The following ACVR1C variants were observed in gnomAD, a reference collection of about 807,000 sequenced individuals.
ACVR1C encodes the protein activin receptor type-1C.
Under a neutral mutation model 57.9 loss-of-function variants are expected in ACVR1C, and 23 were observed. The observed-to-expected ratio is 0.40, with a 90% CI of 0.29 to 0.56. ACVR1C has a LOEUF of 0.56. Ranked by LOEUF, ACVR1C falls within the 20% of genes least tolerant of loss-of-function variation. The probability of loss-of-function intolerance (pLI) is 0.50; values close to 1 mark genes in which losing one functional copy is unlikely to be tolerated. For missense variants in ACVR1C, 480 were observed against 607.9 expected, an observed-to-expected ratio of 0.79 and a Z score of 2.21; for synonymous variants, 214 against 215.3, an observed-to-expected ratio of 0.99 and a Z score of 0.05.
chr2:157,596,492 A>C (rs556460535), intron 1 of ACVR1C, among the ~76,000 whole-genome samples: 1 of 152,328 alleles, frequency 6.6e-6, no homozygotes, highest in South Asian at 2.1e-4. Flanking sequence ...TTTACACTAG[A>C]TATGCATAGT....
At chr2:157,615,357 G>T (rs1054830641) in intron 1 of ACVR1C, among the ~76,000 whole-genome samples, 3 of 151,178 alleles carry the variant, frequency 2.0e-5, no homozygotes, top group Non-Finnish European at 4.4e-5. Flanking sequence ...CAGGTGTGGT[G>T]CATGCTTTGA....
intron 8 of ACVR1C, among the ~76,000 whole-genome samples, chr2:157,538,181 A>G (rs777347155): frequency 2.0e-5 from 3 of 152,182 alleles, no homozygotes; most frequent in Non-Finnish European, 4.4e-5. Context: ...ATGCCAAAGC[A>G]TTAAAGGGTC....
At chr2:157,541,435 CA>C (rs1251864190) in intron 6 of ACVR1C, among the ~76,000 whole-genome samples, 2 of 152,110 alleles carry the variant, frequency 1.3e-5, no homozygotes, top group South Asian at 2.1e-4. Flanking sequence ...ACATTGGCTC[CA>C]AAAAAATATA....
intron 3 of ACVR1C, among the ~76,000 whole-genome samples, chr2:157,554,201 G>GAGAGAGAGAGAGAGAGAGAGAGAAAGAA (rs1553481316): frequency 2.4e-5 from 1 of 41,440 alleles, no homozygotes; most frequent in African/African-American, 1.4e-4. Context: ...ATAAAGAAGA[G>GAGAGAGAGAGAGAGAGAGAGAGAAAGAA]AGAAAGAAAG....
intron 2 of ACVR1C, among the ~76,000 whole-genome samples, chr2:157,565,182 C>T (rs900613639): frequency 2.0e-5 from 3 of 151,926 alleles, no homozygotes; most frequent in East Asian, 1.9e-4. Context: ...AAGATTATCA[C>T]GAGATATTCC....
chr2:157,596,736 A>G (rs1682128676), intron 1 of ACVR1C, among the ~76,000 whole-genome samples: 1 of 152,230 alleles, frequency 6.6e-6, no homozygotes, highest in African/African-American at 2.4e-5. Flanking sequence ...ACAGTAGTAA[A>G]TGAATTACTT....
At chr2:157,624,733 G>A (rs1682862949) in intron 1 of ACVR1C, among the ~76,000 whole-genome samples, 1 of 152,138 alleles carries the variant, frequency 6.6e-6, no homozygotes. Flanking sequence ...GGGTTTTAGA[G>A]CTGAGGACTA....
chr2:157,584,033 C>T (rs774810377), intron 2 of ACVR1C, among the ~76,000 whole-genome samples: 5 of 151,148 alleles, frequency 3.3e-5, no homozygotes, highest in Non-Finnish European at 5.9e-5. Flanking sequence ...AAATTTCAAC[C>T]TTGTGCTCTG....
At chr2:157,605,652 T>C (rs1558994841) in intron 1 of ACVR1C, among the ~76,000 whole-genome samples, 1 of 151,666 alleles carries the variant, frequency 6.6e-6, no homozygotes, top group African/African-American at 2.4e-5. Flanking sequence ...TCCTCCCCTA[T>C]ACTTCATTTT....
Position 157,529,767 on chromosome 2 carries a change from A to G in ACVR1C, c.*4151T>C, listed in dbSNP as rs923134469. 1 of 152,124 alleles carries G rather than the reference A, an allele frequency of 6.6e-6. No individual in the cohort carries two copies. The highest frequency in any genetic ancestry group is 1.5e-5 in the Non-Finnish European group (1 of 67,984). The allele number at this position is 152,124 out of a possible 1,614,324, so 9.4% of individuals were successfully genotyped here. A position where few individuals can be genotyped will look rare whatever the true frequency, so the allele number is the denominator to read the frequency against. Reference sequence around the variant, plus strand: ...ATAGTGAGGGAATATTAAGAAAAAAAGTGAGAAAAATAATGAAATATAAAG... The same window carrying G: ...ATAGTGAGGGAATATTAAGAAAAAAGGTGAGAAAAATAATGAAATATAAAG... On this transcript the variant is annotated 3_prime_UTR_variant, in exon 9 of 9. Coordinates refer to ENST00000243349, the MANE Select transcript of ACVR1C (RefSeq NM_145259.3).
intron 4 of ACVR1C, among the ~76,000 whole-genome samples, chr2:157,547,129 C>A (rs1687779400): frequency 7.3e-6 from 1 of 136,116 alleles, no homozygotes; most frequent in Non-Finnish European, 1.6e-5. Flanking sequence ...CATCCATGTC[C>A]CTACAAAGGA....
chr2:157,581,764 CA>C (rs999440394), intron 2 of ACVR1C, among the ~76,000 whole-genome samples: 1 of 152,218 alleles, frequency 6.6e-6, no homozygotes, highest in African/African-American at 2.4e-5. Context: ...CTCTTCTGGT[CA>C]CCTCCCGACC....
chr2:157,618,499 G>A (rs1682700947), intron 1 of ACVR1C, among the ~76,000 whole-genome samples: 1 of 151,716 alleles, frequency 6.6e-6, no homozygotes, highest in South Asian at 2.1e-4. Context: ...AGACAAGTAT[G>A]TAAGACAGGA....
chr2:157,623,156 G>A (rs1682820193), intron 1 of ACVR1C, among the ~76,000 whole-genome samples: 1 of 152,184 alleles, frequency 6.6e-6, no homozygotes. Flanking sequence ...TACACTGTTG[G>A]TAGGATTGTA....
intron 2 of ACVR1C, among the ~76,000 whole-genome samples, chr2:157,566,778 TG>T (rs1169779341): frequency 2.6e-5 from 4 of 151,474 alleles, no homozygotes. Context: ...GCAACGAGGC[TG>T]GGGGAGGGGC....
chr2:157,547,040 T>C (rs1208905109), intron 4 of ACVR1C, among the ~76,000 whole-genome samples: 28 of 139,452 alleles, frequency 2.0e-4, no homozygotes, highest in Admixed American at 1.8e-3. Context: ...ATTGTTCAAT[T>C]CCCACCTATG....
intron 4 of ACVR1C, among the ~76,000 whole-genome samples, chr2:157,546,871 G>T (rs1687767737): frequency 6.6e-6 from 1 of 151,466 alleles, no homozygotes; most frequent in African/African-American, 2.4e-5. Flanking sequence ...CATTGTGCAG[G>T]TTAGTTACAT....
chr2:157,537,123 T>C (rs1687508149), intron 8 of ACVR1C, among the ~76,000 whole-genome samples: 2 of 152,068 alleles, frequency 1.3e-5, no homozygotes, highest in African/African-American at 4.8e-5. Context: ...ATCACGTAAG[T>C]TTCACAAATA....
chr2:157,599,266 G>A (rs1398284161), intron 1 of ACVR1C, among the ~76,000 whole-genome samples: 1 of 142,376 alleles, frequency 7.0e-6, no homozygotes, highest in African/African-American at 2.6e-5. Context: ...CCCGAGAGGG[G>A]GAGCTCGCAG....
Sources: gnomAD v4.1 joint callset for allele counts (sites outside exome capture counted in the v4.1 genomes callset) on GRCh38, gnomAD v4.1.1 for gene constraint, MANE v1.5 for transcripts, NCBI Gene and HGNC (gene_info 2026-07-23, HGNC 2026-07-21) for gene names.